Variants in PARD3 observed in about 807,000 individuals in gnomAD.
PARD3 encodes partitioning defective 3 homolog.
Under a neutral mutation model 155.4 loss-of-function variants are expected in PARD3, and 75 were observed. The ratio of observed to expected loss-of-function variants is 0.48; its 90% CI spans 0.40 to 0.58. The LOEUF (loss-of-function observed/expected upper bound fraction) is 0.58, where lower values mean the gene tolerates loss of function less well. Ranked by LOEUF, PARD3 falls within the 20% of genes least tolerant of loss-of-function variation. The pLI is 0.00. For synonymous variants in PARD3, 576 were observed against 610.5 expected (o/e 0.94, Z 0.83); for missense variants, 1,642 against 1,721.7 (o/e 0.95, Z 0.82).
At chr10:34,625,120 AG>A (rs2091916195) in intron 2 of PARD3, among the ~76,000 whole-genome samples, 1 of 152,238 alleles carries the variant, frequency 6.6e-6, no homozygotes, top group Non-Finnish European at 1.5e-5. Context: ...AATGTTGTCA[AG>A]GATCTATAAG....
chr10:34,427,271 T>C (rs554302684), intron 5 of PARD3, among the ~76,000 whole-genome samples: 1 of 152,336 alleles, frequency 6.6e-6, no homozygotes, highest in African/African-American at 2.4e-5. Context: ...TGCGGAATTC[T>C]TTCCCCAGTA....
At chr10:34,461,797 G>C (rs1448667682) in intron 4 of PARD3, among the ~76,000 whole-genome samples, 1 of 152,142 alleles carries the variant, frequency 6.6e-6, no homozygotes, top group East Asian at 1.9e-4. Flanking sequence ...GTAACTTTAA[G>C]GGCACACAAG....
chr10:34,509,207 C>G (rs907449166), intron 3 of PARD3, among the ~76,000 whole-genome samples: 8 of 152,018 alleles, frequency 5.3e-5, no homozygotes, highest in Non-Finnish European at 1.0e-4. Flanking sequence ...TATCTAGTAA[C>G]CAGTTTCCTT....
At chr10:34,430,840 T>C (rs1160374933) in intron 5 of PARD3, among the ~76,000 whole-genome samples, 7 of 152,124 alleles carry the variant, frequency 4.6e-5, no homozygotes, top group Non-Finnish European at 1.0e-4. Flanking sequence ...GAAAGTCAAA[T>C]CTAGGCCATC....
intron 2 of PARD3, among the ~76,000 whole-genome samples, chr10:34,642,552 A>G (rs868472264): frequency 6.6e-6 from 1 of 151,852 alleles, no homozygotes; most frequent in African/African-American, 2.4e-5. Context: ...CCCTAGTTTG[A>G]TTACCTGCAC....
chr10:34,413,148 C>T (rs11009779), intron 5 of PARD3, among the ~76,000 whole-genome samples: 52 of 89,898 alleles, frequency 5.8e-4, no homozygotes, highest in Non-Finnish European at 1.2e-3. Flanking sequence ...TATATATACA[C>T]ACACACACAC....
At chr10:34,658,612 CAG>C (rs888292594) in intron 2 of PARD3, among the ~76,000 whole-genome samples, 5 of 151,820 alleles carry the variant, frequency 3.3e-5, no homozygotes, top group Non-Finnish European at 7.4e-5. Context: ...AAGATGTGGA[CAG>C]GGGGAAAAAA....
At chr10:34,211,066 G>C (rs16935234) in intron 22 of PARD3, among the ~76,000 whole-genome samples, 1,731 of 152,202 alleles carry the variant, frequency 0.011, 35 homozygotes, top group African/African-American at 0.039. Flanking sequence ...CTACTTCACC[G>C]GGTTGACGTG....
intron 20 of PARD3, among the ~76,000 whole-genome samples, chr10:34,302,198 T>G (rs761792869): frequency 6.6e-6 from 1 of 152,082 alleles, no homozygotes; most frequent in Non-Finnish European, 1.5e-5. Context: ...CTAAATGGTG[T>G]TTTTCAAATT....
At chr10:34,657,515 C>T (rs2093205057) in intron 2 of PARD3, among the ~76,000 whole-genome samples, 1 of 148,370 alleles carries the variant, frequency 6.7e-6, no homozygotes, top group South Asian at 2.2e-4. Context: ...CACCTTTCTG[C>T]TTCTCAGTTT....
chr10:34,247,321 G>A (rs1221429335), intron 22 of PARD3, among the ~76,000 whole-genome samples: 1 of 152,130 alleles, frequency 6.6e-6, no homozygotes, highest in Non-Finnish European at 1.5e-5. Context: ...GGCCAACATG[G>A]TGAAACCTCA....
At chr10:34,489,927 A>T (rs1416451624) in intron 3 of PARD3, among the ~76,000 whole-genome samples, 4 of 152,218 alleles carry the variant, frequency 2.6e-5, no homozygotes, top group African/African-American at 2.4e-5. Context: ...CAGAGATAAG[A>T]TATCCTGGCA....
In PARD3 at chr10:34,337,434, G is replaced by T; in HGVS notation, c.2409-8C>A. On this transcript the variant is annotated splice_polypyrimidine_tract_variant and splice_region_variant and intron_variant, in intron 16 of 24. Coordinates refer to ENST00000374788, the MANE Select transcript of PARD3 (RefSeq NM_001184785.2). The stretch of plus-strand genomic sequence containing the variant: ...ACATCTGGACTCAAAGAGCTGGAGT[G>T]AAGAAAAAATAAAAATAAAAATATT... 6.6e-7 allele frequency: 1 copy of T among 1,524,716 alleles called. No individual in the cohort carries two copies. The highest frequency in any genetic ancestry group is 8.8e-7 in the Non-Finnish European group (1 of 1,141,522). The allele number at this position is 1,524,716 out of a possible 1,614,324, so 94.4% of individuals were successfully genotyped here. A position where few individuals can be genotyped will look rare whatever the true frequency, so the allele number is the denominator to read the frequency against.
chr10:34,562,906 G>A (rs1237226278), intron 2 of PARD3, among the ~76,000 whole-genome samples: 1 of 151,764 alleles, frequency 6.6e-6, no homozygotes, highest in Non-Finnish European at 1.5e-5. Context: ...CAAGTAGCTG[G>A]GACTACAGGC....
intron 5 of PARD3, among the ~76,000 whole-genome samples, chr10:34,440,826 G>T (rs2076424799): frequency 2.0e-5 from 3 of 151,854 alleles, no homozygotes; most frequent in Admixed American, 2.0e-4. Context: ...TATCACGAAG[G>T]GACCCAGATG....
intron 2 of PARD3, among the ~76,000 whole-genome samples, chr10:34,613,974 G>A (rs1311944532): frequency 6.6e-6 from 1 of 152,120 alleles, no homozygotes; most frequent in Non-Finnish European, 1.5e-5. Flanking sequence ...CATTAAGAAT[G>A]TACTACCTAG....
At chr10:34,805,398 T>A (rs1489883890) in intron 1 of PARD3, among the ~76,000 whole-genome samples, 1 of 151,872 alleles carries the variant, frequency 6.6e-6, no homozygotes, top group African/African-American at 2.4e-5. Flanking sequence ...AAAATATACA[T>A]CTGAGTTCCA....
intron 5 of PARD3, among the ~76,000 whole-genome samples, chr10:34,415,592 C>T (rs549749502): frequency 1.1e-4 from 16 of 152,028 alleles, no homozygotes; most frequent in Non-Finnish European, 2.1e-4. Flanking sequence ...CAGCAAAGAA[C>T]GATTCTTATC....
chr10:34,382,756 T>C lies in PARD3; in HGVS notation c.1183A>G (p.Asn395Asp). ...DSQYIDNRSV[N>D]SAGLHTVQRA... ...TGCACCGTGTGAAGCCCTGCACTGTTCACACTCCTGTTGTCAATATACTGG... is the reference window on the plus strand; with the variant it reads ...TGCACCGTGTGAAGCCCTGCACTGTCCACACTCCTGTTGTCAATATACTGG... The change falls in exon 9 of 25, where the codon AAC becomes GAC. Residue 395 changes from asparagine to aspartate, a missense_variant. By Grantham distance (23) the Asn-to-Asp change is conservative. This residue lies in a region of PARD3 where 1,529 missense variants were observed against 1,587.3 expected (regional missense o/e 0.96). Transcript: ENST00000374788. The C allele has an allele frequency of 6.2e-7, 1 of 1,614,192 alleles. No homozygotes were observed. Among genetic ancestry groups the C allele is most frequent in the Non-Finnish European group, 8.5e-7 (1 of 1,180,030 alleles).
Sources: allele counts gnomAD v4.1 joint callset (sites outside exome capture counted in the v4.1 genomes callset), GRCh38; gene constraint gnomAD v4.1.1; regional missense constraint gnomAD v4.1.1; transcripts MANE v1.5; gene names NCBI Gene and HGNC (gene_info 2026-07-23, HGNC 2026-07-21).